DNAAF9: variants seen among roughly 807,000 people sequenced by gnomAD.
DNAAF9 encodes the protein shulin.
In DNAAF9, 90 loss-of-function variants were observed where a neutral mutation model predicts 167.0. The observed-to-expected ratio is 0.54, with a 90% CI of 0.45 to 0.64. The LOEUF is 0.64. DNAAF9 is among the 30% of genes least tolerant of loss of function. DNAAF9 has a pLI of 0.00. For missense variants in DNAAF9, 1,315 were observed against 1,442.2 expected (o/e 0.91, Z 1.43); for synonymous variants, 491 against 508.8 (o/e 0.96, Z 0.47).
chr20:3,265,970 G>T (rs1482807309), intron 30 of DNAAF9, among the ~76,000 whole-genome samples: 2 of 152,142 alleles, frequency 1.3e-5, no homozygotes, highest in African/African-American at 4.8e-5. Flanking sequence ...GTGAGTCACT[G>T]CACCCGGCCT....
chr20:3,260,399 T>C (rs1419863528), intron 31 of DNAAF9, among the ~76,000 whole-genome samples: 2 of 152,230 alleles, frequency 1.3e-5, no homozygotes, highest in African/African-American at 4.8e-5. Flanking sequence ...ATCTATGCCA[T>C]TTTGCACACA....
At chr20:3,288,123 T>C (rs114529873) in intron 26 of DNAAF9, among the ~76,000 whole-genome samples, 3 of 152,224 alleles carry the variant, frequency 2.0e-5, no homozygotes, top group African/African-American at 7.2e-5. Context: ...ATGCAAAAGA[T>C]GGCTTCAGTT....
intron 20 of DNAAF9, among the ~76,000 whole-genome samples, chr20:3,308,341 CTTTTTT>C (rs35610785): frequency 1.9e-5 from 2 of 105,436 alleles, no homozygotes; most frequent in Non-Finnish European, 1.9e-5. Context: ...CAAAACTTTA[CTTTTTT>C]TTTTTTTTTT....
At chr20:3,366,261 T>C (rs1431758654) in intron 6 of DNAAF9, among the ~76,000 whole-genome samples, 3 of 152,228 alleles carry the variant, frequency 2.0e-5, no homozygotes, top group African/African-American at 7.2e-5. Flanking sequence ...GGCTGCAGAA[T>C]GGATGTTGTG....
intron 32 of DNAAF9, 48 bp from the exon 33 acceptor site, chr20:3,259,602 C>T (rs1052601995): frequency 2.3e-6 from 3 of 1,297,432 alleles, no homozygotes; most frequent in Non-Finnish European, 3.4e-6. Context: ...AGGCACAGGC[C>T]AAATTCAGGA....
chr20:3,307,106 C>A (rs2069312542), intron 20 of DNAAF9: 1 of 984,906 alleles, frequency 1.0e-6, no homozygotes, highest in East Asian at 1.1e-4. Context: ...GAGAAGCTGG[C>A]ACATTCCATT....
intron 31 of DNAAF9, among the ~76,000 whole-genome samples, chr20:3,262,727 C>T (rs1339714169): frequency 2.0e-5 from 3 of 152,124 alleles, no homozygotes; most frequent in Non-Finnish European, 4.4e-5. Context: ...GTTCAGGCAG[C>T]AAGAGAGTCA....
intron 33 of DNAAF9, among the ~76,000 whole-genome samples, chr20:3,258,759 A>G (rs2068326266): frequency 1.3e-5 from 2 of 152,102 alleles, no homozygotes; most frequent in African/African-American, 2.4e-5. Flanking sequence ...CTTGTTATAC[A>G]GCCAACACCT....
intron 7 of DNAAF9, among the ~76,000 whole-genome samples, chr20:3,349,356 T>C (rs530970692): frequency 6.6e-6 from 1 of 152,176 alleles, no homozygotes; most frequent in East Asian, 1.9e-4. Context: ...CACTACAGCC[T>C]GGGTGACAGA....
rs1036380490 is a variant in DNAAF9 at position 3,278,372 on chromosome 20, G to A, written c.2650+540C>T. Among the ~76,000 whole-genome samples the A allele has an allele frequency of 2.0e-5, 3 of 152,290 alleles. No homozygotes were observed. In the East Asian group the frequency reaches 5.8e-4, roughly 29 times the overall value. Reference sequence around the variant, plus strand: ...CCACTAGTATTAGCTGGAATGCCAGGTGGACTTAAGCCCAGCTCAAGGAGA... The same window carrying A: ...CCACTAGTATTAGCTGGAATGCCAGATGGACTTAAGCCCAGCTCAAGGAGA... On this transcript the variant is annotated intron_variant, in intron 29 of 36. Transcript: ENST00000252032.
chr20:3,395,831 C>T (rs1446713926), intron 1 of DNAAF9, among the ~76,000 whole-genome samples: 2 of 151,868 alleles, frequency 1.3e-5, no homozygotes, highest in Non-Finnish European at 2.9e-5. Flanking sequence ...GTTTTTGTTT[C>T]TATTTTGAAT....
chr20:3,271,618 ACTT>A (rs145857342), intron 29 of DNAAF9, among the ~76,000 whole-genome samples: 28,284 of 148,110 alleles, frequency 0.19, 2,572 homozygotes, highest in African/African-American at 0.24. Flanking sequence ...ATTTTTATTT[ACTT>A]CTTCTTTTTT....
chr20:3,366,465 T>G (rs2083434210), intron 6 of DNAAF9, among the ~76,000 whole-genome samples: 1 of 152,146 alleles, frequency 6.6e-6, no homozygotes, highest in Non-Finnish European at 1.5e-5. Context: ...CCTTTGGTGA[T>G]CCATTTAAAG....
intron 1 of DNAAF9, among the ~76,000 whole-genome samples, chr20:3,398,794 A>G (rs542027213): frequency 6.6e-6 from 1 of 152,264 alleles, no homozygotes; most frequent in Non-Finnish European, 1.5e-5. Context: ...CTGGCCCTGC[A>G]TTAAAGCAGC....
At chr20:3,252,822 C>T (rs1600644063) in intron 36 of DNAAF9, 138 bp from the exon 37 acceptor site, 1 of 650,510 alleles carries the variant, frequency 1.5e-6, no homozygotes, top group East Asian at 2.6e-5. Flanking sequence ...ACCTGATGGA[C>T]TCTTTGTATA....
intron 16 of DNAAF9, 82 bp from the exon 17 acceptor site, chr20:3,318,482 T>C: frequency 2.8e-6 from 2 of 718,864 alleles, no homozygotes; most frequent in Admixed American, 4.3e-5. Context: ...CCACAAATAC[T>C]GCCTAAAGGA....
intron 30 of DNAAF9, among the ~76,000 whole-genome samples, chr20:3,267,319 C>CT (rs1350801355): frequency 6.6e-6 from 1 of 152,174 alleles, no homozygotes; most frequent in Non-Finnish European, 1.5e-5. Flanking sequence ...CTCCACTAAT[C>CT]TTTGAGTACT....
chr20:3,378,124 C>G (rs1408195194), intron 3 of DNAAF9, among the ~76,000 whole-genome samples: 1 of 152,156 alleles, frequency 6.6e-6, no homozygotes, highest in Non-Finnish European at 1.5e-5. Flanking sequence ...ATCTATGGGA[C>G]CAGACATAGC....
chr20:3,400,084 TACA>T (rs2083962755), intron 1 of DNAAF9, among the ~76,000 whole-genome samples: 1 of 152,240 alleles, frequency 6.6e-6, no homozygotes, highest in Non-Finnish European at 1.5e-5. Context: ...TTCCAGTGTA[TACA>T]ACACTTTATT....
Sources: gnomAD v4.1 joint callset for allele counts (sites outside exome capture counted in the v4.1 genomes callset) on GRCh38, gnomAD v4.1.1 for gene constraint, MANE v1.5 for transcripts, NCBI Gene and HGNC (gene_info 2026-07-23, HGNC 2026-07-21) for gene names.